The following PTPRC variants were observed in gnomAD, a reference collection of about 807,000 sequenced individuals.
PTPRC encodes the protein receptor-type tyrosine-protein phosphatase C.
A neutral mutation model predicts 155.9 loss-of-function variants in PTPRC; 44 were observed. That is an observed-to-expected ratio of 0.28 (90% CI 0.22 to 0.36). The LOEUF is 0.36. PTPRC is among the 10% of genes least tolerant of loss of function. The pLI, the probability that PTPRC is intolerant of heterozygous loss-of-function variation, is 1.00. For synonymous variants in PTPRC, 525 were observed against 533.1 expected (o/e 0.98, Z 0.21); for missense variants, 1,401 against 1,564.6 (o/e 0.90, Z 1.76).
At position 198,732,334 on chromosome 1, in the gene PTPRC, A is replaced by G; in HGVS notation, c.2009A>G (p.Lys670Arg). 1 of 1,612,666 alleles carries G rather than the reference A, an allele frequency of 6.2e-7. No individual in the cohort carries two copies. Among genetic ancestry groups the G allele is most frequent in the Non-Finnish European group, 8.5e-7 (1 of 1,179,110 alleles). The change falls in exon 19 of 33, where the codon AAG (lysine) becomes AGG (arginine). Residue 670 changes from lysine (K) to arginine (R), a missense_variant. By Grantham distance (26) the Lys-to-Arg change is conservative. Transcript: ENST00000442510. ...IPRVFSKFPIKEARKPFNQNK... is the reference protein window; with the variant it reads ...IPRVFSKFPIREARKPFNQNK... ...CGGGTGTTCAGCAAGTTTCCTATAA[A>G]GGAAGCTCGAAAGCCCTTTAACCAG... is the stretch of plus-strand genomic sequence containing the variant.
At position 198,713,067 on chromosome 1, in the gene PTPRC, A is replaced by C. The variant is rs755614890; in HGVS notation, c.1286A>C (p.Glu429Ala). ...AATTTTACCCTCTGTTATATAAAAG[A>C]GACAGGTAATTTGTGTAGAATTTAA... Reference protein sequence around the residue: ...FHNFTLCYIKETEKDCLNLDK... With the variant: ...FHNFTLCYIKATEKDCLNLDK... The change falls in exon 12 of 33, where the codon GAG becomes GCG. Residue 429 changes from glutamate (E) to alanine (A), a missense_variant. By Grantham distance (107) the Glu-to-Ala change is moderately radical (BLOSUM62 -1). Transcript: ENST00000442510. The C allele has an allele frequency of 4.6e-5, 74 of 1,613,550 alleles. No homozygotes were observed. The highest frequency in any genetic ancestry group is 6.1e-5 in the Non-Finnish European group (72 of 1,179,652).
intron 4 of PTPRC, among the ~76,000 whole-genome samples, chr1:198,698,693 A>G (rs1666324668): frequency 6.6e-6 from 1 of 151,338 alleles, no homozygotes; most frequent in South Asian, 2.1e-4. Context: ...GTATGTGTGT[A>G]TATATATATT....
Position 198,642,892 on chromosome 1 carries a change from T to TTTTCTTTCTTCCTTCCTTTC in PTPRC, c.73+3561_73+3562insCCTTCCTTTCTTTCTTTCTT, listed in dbSNP as rs1287327143. On this transcript the variant is annotated intron_variant, in intron 2 of 32. Coordinates refer to ENST00000442510, the MANE Select transcript of PTPRC (RefSeq NM_002838.5). ...TGGAGCTGGGAAGGGATCTTTTTTC[T>TTTTCTTTCTTCCTTCCTTTC]TTTCTTTCTTTCTTCCTTTCTTTCT... Among the ~76,000 whole-genome samples, 66 of 119,188 alleles carry TTTTCTTTCTTCCTTCCTTTC rather than the reference T, an allele frequency of 5.5e-4. 1 individual carries two copies. Among genetic ancestry groups the TTTTCTTTCTTCCTTCCTTTC allele is most frequent in the Non-Finnish European group, 7.5e-4 (42 of 55,892 alleles). The allele number at this position is 119,188 out of a possible 152,430, so 78.2% of individuals were successfully genotyped here.
chr1:198,722,282 A>T (rs1434325432), intron 14 of PTPRC, 134 bp from the exon 15 acceptor site: 1 of 335,884 alleles, frequency 3.0e-6, no homozygotes, highest in Admixed American at 5.3e-5. Flanking sequence ...AGTTTAAAGC[A>T]AATCAGCATA....
chr1:198,726,866 CT>C (rs575567355), intron 15 of PTPRC, among the ~76,000 whole-genome samples: 272 of 138,004 alleles, frequency 2.0e-3, no homozygotes, highest in African/African-American at 5.1e-3. Flanking sequence ...CTTTTCTTTC[CT>C]TTTTTTTTTT....
chr1:198,667,846 G>A (rs1664407667), intron 2 of PTPRC, among the ~76,000 whole-genome samples: 1 of 152,160 alleles, frequency 6.6e-6, no homozygotes, highest in Non-Finnish European at 1.5e-5. Flanking sequence ...ATTTCAATAG[G>A]TAGTAGCTGT....
chr1:198,714,653 G>A (rs939443757), intron 12 of PTPRC, among the ~76,000 whole-genome samples: 4 of 152,270 alleles, frequency 2.6e-5, no homozygotes, highest in African/African-American at 7.2e-5. Flanking sequence ...AGCGTGCTCC[G>A]CTTTTGTTTT....
At position 198,708,270 on chromosome 1, in the gene PTPRC, A is replaced by G. The variant is rs376985465; in HGVS notation, c.1033+9A>G. On this transcript the variant is annotated intron_variant, in intron 10 of 32. Transcript: ENST00000442510. ...CTACAGATTTCAGTGTGGTAAGAAT[A>G]TAACATTGACCAGAGAATTTTTTTT... 2.2e-4 allele frequency: 350 copies of G among 1,601,724 alleles called. No individual in the cohort carries two copies. Among genetic ancestry groups the G allele is most frequent in the Non-Finnish European group, 2.8e-4 (326 of 1,171,474 alleles).
chr1:198,741,867 A>G lies in PTPRC; in HGVS notation c.2404-2A>G. 1 of 1,611,190 alleles carries G rather than the reference A, an allele frequency of 6.2e-7. No individual in the cohort carries two copies. The highest frequency in any genetic ancestry group is 1.7e-4 in the Middle Eastern group (1 of 6,042). On this transcript the variant is annotated splice_acceptor_variant, in intron 23 of 32. Transcript: ENST00000442510. LOFTEE classifies it high-confidence loss of function. The stretch of plus-strand genomic sequence containing the variant: ...TCAAAGAAAATATTATCTCTTGACT[A>G]GAAAAAAGAAAAAGCAACTGGAAGA...
chr1:198,664,445 A>G (rs1304091572), intron 2 of PTPRC, among the ~76,000 whole-genome samples: 1 of 152,134 alleles, frequency 6.6e-6, no homozygotes, highest in African/African-American at 2.4e-5. Flanking sequence ...GTGATCCTGT[A>G]AGTTTGTAGC....
chr1:198,757,116 G>T lies in PTPRC; in HGVS notation c.*935G>T, dbSNP rs1236272381. On this transcript the variant is annotated 3_prime_UTR_variant, in exon 33 of 33. Coordinates refer to ENST00000442510, the MANE Select transcript of PTPRC (RefSeq NM_002838.5). ...AGCTATTTTTATGGAATTTTTCATT[G>T]ATATGAAAAATATGATATTGCATAT... 1 of 151,522 alleles carries T rather than the reference G, an allele frequency of 6.6e-6. No homozygotes were observed. Among genetic ancestry groups the T allele is most frequent in the Non-Finnish European group, 1.5e-5 (1 of 67,746 alleles). 9.4% of individuals were successfully genotyped at this position (151,522 alleles called of 1,614,324 possible). A position where few individuals can be genotyped will look rare whatever the true frequency, so the allele number is the denominator to read the frequency against.
At chr1:198,647,367 C>A (rs141736931) in intron 2 of PTPRC, among the ~76,000 whole-genome samples, 1 of 151,974 alleles carries the variant, frequency 6.6e-6, no homozygotes, top group African/African-American at 2.4e-5. Flanking sequence ...GTTTGCTGAA[C>A]AAACGAATGG....
rs530337084 is a variant in PTPRC at position 198,742,161 on chromosome 1, T to A, written c.2562-71T>A. 5.6e-6 allele frequency: 9 copies of A among 1,607,140 alleles called. No homozygotes were observed. The African/African-American group carries it at 1.2e-4, about 22-fold the overall frequency. ...AACAACCTATGGGAGAAGCTTAGAT[T>A]CTTATATTGGCTTCACACCTGACAG... On this transcript the variant is annotated intron_variant, in intron 24 of 32. Transcript: ENST00000442510.
chr1:198,701,014 A>C (rs1426203413), intron 5 of PTPRC, among the ~76,000 whole-genome samples: 2 of 152,190 alleles, frequency 1.3e-5, no homozygotes, highest in Non-Finnish European at 2.9e-5. Context: ...GCTGATTTCA[A>C]AACTCTGCAG....
intron 15 of PTPRC, 34 bp downstream of exon 15, chr1:198,722,510 TAA>T (rs777005551): frequency 2.5e-5 from 29 of 1,168,640 alleles, no homozygotes; most frequent in Non-Finnish European, 3.2e-5. Context: ...TTATATATAT[TAA>T]GATATATATT....
rs147550913 is a variant in PTPRC at position 198,701,091 on chromosome 1, C to T, written c.440-1296C>T. Among the ~76,000 whole-genome samples the T allele has an allele frequency of 6.1e-4, 93 of 152,284 alleles. No individual in the cohort carries two copies. The East Asian group carries it at 0.016, about 27-fold the overall frequency. On this transcript the variant is annotated intron_variant, in intron 5 of 32. Transcript: ENST00000442510. ...TAAATGAGCTTTCCTCACTCTTCTA[C>T]ATATTCTGCTGGAGCCCTCCTCTGG... is the stretch of plus-strand genomic sequence containing the variant.
chr1:198,706,583 C>T (rs562813449), intron 8 of PTPRC, 151 bp from the exon 9 acceptor site: 151 of 781,888 alleles, frequency 1.9e-4, no homozygotes, highest in East Asian at 9.9e-4. Flanking sequence ...CAGATAATTA[C>T]GAAAAAAATG....
chr1:198,671,104 A>C (rs886185093), intron 2 of PTPRC, among the ~76,000 whole-genome samples: 1 of 151,988 alleles, frequency 6.6e-6, no homozygotes, highest in African/African-American at 2.4e-5. Context: ...AAATAATTTA[A>C]ATTTTTTGAA....
At chr1:198,664,706 G>A (rs1664179245) in intron 2 of PTPRC, among the ~76,000 whole-genome samples, 1 of 152,098 alleles carries the variant, frequency 6.6e-6, no homozygotes, top group African/African-American at 2.4e-5. Context: ...TGTGTGTGAA[G>A]CTCTAGAATA....
Sources: gnomAD v4.1 joint callset for allele counts (sites outside exome capture counted in the v4.1 genomes callset) on GRCh38, gnomAD v4.1.1 for gene constraint, MANE v1.5 for transcripts, NCBI Gene and HGNC (gene_info 2026-07-23, HGNC 2026-07-21) for gene names.